Variants in SUCO observed in about 807,000 individuals in gnomAD.
The protein encoded by SUCO is SUN domain containing ossification factor, also known as SUN domain-containing ossification factor.
A neutral mutation model predicts 148.1 loss-of-function variants in SUCO; 57 were observed. The observed-to-expected ratio is 0.38, with a 90% confidence interval of 0.31 to 0.48. The LOEUF (loss-of-function observed/expected upper bound fraction) is 0.48, where lower values mean the gene tolerates loss of function less well. Ranked by LOEUF, SUCO falls within the 20% of genes least tolerant of loss-of-function variation. The pLI is 0.96. For synonymous variants in SUCO, 470 were observed against 502.7 expected, an observed-to-expected ratio of 0.93 and a Z score of 0.87; for missense variants, 1,331 against 1,468.2, an observed-to-expected ratio of 0.91 and a Z score of 1.53.
chr1:172,602,359 C>A, intron 21 of SUCO, 141 bp downstream of exon 21: 1 of 1,414,102 alleles, frequency 7.1e-7, no homozygotes, highest in African/African-American at 1.4e-5. Context: ...TTAAAAACAT[C>A]ATTCGATAGT....
chr1:172,596,130 A>G (rs1657079341), intron 19 of SUCO, among the ~76,000 whole-genome samples: 1 of 152,210 alleles, frequency 6.6e-6, no homozygotes, highest in Non-Finnish European at 1.5e-5. Context: ...CAGCTCCATC[A>G]GATCAATTAA....
chr1:172,585,021 C>A lies in SUCO; in HGVS notation c.1502C>A (p.Ala501Asp). The A allele has an allele frequency of 6.3e-7, 1 of 1,592,044 alleles. No homozygotes were observed. Among genetic ancestry groups the A allele is most frequent in the Non-Finnish European group, 8.6e-7 (1 of 1,167,574 alleles). The stretch of plus-strand genomic sequence containing the variant: ...TTCTGATTGAATTTTGTTTTAGATG[C>A]CATTCTAAATATGGTGAATATTGCT... ...SKNLLGSATN[A>D]ILNMVNIAAN... Residue 501 changes from alanine to aspartate, a missense_variant, in exon 16 of 24, where the codon GCC becomes GAC. Ala to Asp is a moderately radical substitution (Grantham distance 126, BLOSUM62 -2). This residue lies in a region of SUCO where 992 missense variants were observed against 1,093.5 expected (regional missense o/e 0.91). Transcript: ENST00000263688.
Position 172,581,238 on chromosome 1 carries a change from T to A in SUCO, c.1498+1971T>A, listed in dbSNP as rs1309809971. Among the ~76,000 whole-genome samples, 3 of 152,224 alleles carry A rather than the reference T, an allele frequency of 2.0e-5. No homozygotes were observed. The South Asian group carries it at 6.2e-4, about 32-fold the overall frequency. On this transcript the variant is annotated intron_variant, in intron 15 of 23. Coordinates refer to ENST00000263688, the MANE Select transcript of SUCO (RefSeq NM_014283.5). ...TTGTTTAGATACTTCTGTTTGGATCTTTCTCCTTGAAGGTATATCACTTAA... is the reference window on the plus strand; with the variant it reads ...TTGTTTAGATACTTCTGTTTGGATCATTCTCCTTGAAGGTATATCACTTAA...
chr1:172,576,667 G>A (rs995859030), intron 11 of SUCO, among the ~76,000 whole-genome samples: 1 of 151,510 alleles, frequency 6.6e-6, no homozygotes, highest in African/African-American at 2.4e-5. Context: ...TTTAATTTTG[G>A]AAGGATATTT....
At position 172,533,155 on chromosome 1, in the gene SUCO, G is replaced by T; in HGVS notation, c.-281G>T. ...CCCCGGCGGGCGGGGAGGATATGGG[G>T]CGGCAGTGGCGGCTGCAGGAGGCGG... On this transcript the variant is annotated 5_prime_UTR_variant, in exon 1 of 24. Transcript: ENST00000263688. 2 of 1,465,360 alleles carry T rather than the reference G, an allele frequency of 1.4e-6. No homozygotes were observed. Among genetic ancestry groups the T allele is most frequent in the Non-Finnish European group, 1.8e-6 (2 of 1,113,152 alleles). The allele number at this position is 1,465,360 out of a possible 1,614,324, so 90.8% of individuals were successfully genotyped here.
rs780767051 is a variant in SUCO, at chr1:172,609,925, A to G, written c.3431A>G (p.Gln1144Arg). 31 of 1,613,872 alleles carry G rather than the reference A, an allele frequency of 1.9e-5. No individual in the cohort carries two copies. The East Asian group carries it at 6.0e-4, about 31-fold the overall frequency. The change falls in exon 24 of 24, where the codon CAG (glutamine) becomes CGG (arginine). Residue 1144 changes from glutamine to arginine, a missense_variant. Gln to Arg is a conservative substitution (Grantham distance 43). Transcript: ENST00000263688. ...AAAGGAAGAAAGCCCTTTACGAACC[A>G]GAGAGATTTTTCTAATATGGGAGAA... ...DIKGRKPFTN[Q>R]RDFSNMGEVY...
chr1:172,545,620 G>T (rs551940324), intron 1 of SUCO, among the ~76,000 whole-genome samples: 12 of 152,282 alleles, frequency 7.9e-5, no homozygotes, highest in Admixed American at 7.2e-4. Context: ...ACTAGTCTCA[G>T]TGGTACAATG....
rs761541429 is a variant in SUCO, at chr1:172,575,637, A to G, written c.1263+14A>G. 4 of 1,505,124 alleles carry G rather than the reference A, an allele frequency of 2.7e-6. No homozygotes were observed. Among genetic ancestry groups the G allele is most frequent in the Non-Finnish European group, 3.7e-6 (4 of 1,082,804 alleles). The allele number at this position is 1,505,124 out of a possible 1,614,324, so 93.2% of individuals were successfully genotyped here. A position where few individuals can be genotyped will look rare whatever the true frequency, so the allele number is the denominator to read the frequency against. ...AAATATGTCAAGGTAATGTTTACAC[A>G]TACAGGACTATGTTCTATAATGAAA... On this transcript the variant is annotated intron_variant, in intron 11 of 23. Transcript: ENST00000263688.
intron 19 of SUCO, among the ~76,000 whole-genome samples, chr1:172,597,856 C>T (rs894841527): frequency 2.6e-5 from 4 of 152,096 alleles, no homozygotes; most frequent in Admixed American, 1.3e-4. Flanking sequence ...ATTCATGGCA[C>T]GTTATAAATT....
chr1:172,557,571 A>C (rs774327744), intron 5 of SUCO, 73 bp from the exon 6 acceptor site: 75 of 1,480,856 alleles, frequency 5.1e-5, no homozygotes, highest in Admixed American at 2.3e-5. Flanking sequence ...CATGAGTTCA[A>C]AGAATTTAGA....
At chr1:172,553,821 T>G (rs1351175327) in intron 3 of SUCO, among the ~76,000 whole-genome samples, 1 of 152,188 alleles carries the variant, frequency 6.6e-6, no homozygotes, top group Non-Finnish European at 1.5e-5. Context: ...TCTCTCATAT[T>G]ACATTCTGAA....
rs571030579 is a variant in SUCO at position 172,540,791 on chromosome 1, G to A, written c.62+7294G>A. Among the ~76,000 whole-genome samples, 2 of 152,234 alleles carry A rather than the reference G, an allele frequency of 1.3e-5. 1 individual carries two copies. The highest frequency in any genetic ancestry group is 4.8e-5 in the African/African-American group (2 of 41,530). On this transcript the variant is annotated intron_variant, in intron 1 of 23. Transcript: ENST00000263688. ...TCTGCCTGCTTGCAGTGGGTAGATG[G>A]CACTTAATTGTCAAGGAGAAAGAGA... is the stretch of plus-strand genomic sequence containing the variant.
chr1:172,610,361 GA>G lies in SUCO; in HGVS notation c.*105del. The G allele has an allele frequency of 1.4e-6, 2 of 1,429,202 alleles. No homozygotes were observed. The allele number at this position is 1,429,202 out of a possible 1,614,324, so 88.5% of individuals were successfully genotyped here. On this transcript the variant is annotated 3_prime_UTR_variant, in exon 24 of 24. Transcript: ENST00000263688. ...TGGGGGAGGGAGAAAATATTAATGG[GA>G]AAGGCATTCAGAAATTATGGTTTCT...
At chr1:172,560,296 A>G (rs953920093) in intron 6 of SUCO, among the ~76,000 whole-genome samples, 1 of 152,218 alleles carries the variant, frequency 6.6e-6, no homozygotes, top group Non-Finnish European at 1.5e-5. Flanking sequence ...GACCAGCTGT[A>G]GTTGCAATGA....
At chr1:172,593,187 G>C (rs911105830) in intron 19 of SUCO, among the ~76,000 whole-genome samples, 1 of 152,126 alleles carries the variant, frequency 6.6e-6, no homozygotes, top group Non-Finnish European at 1.5e-5. Context: ...GAGATGATGG[G>C]GTTTTCTAAA....
At chr1:172,584,835 A>C (rs1656125488) in intron 15 of SUCO, among the ~76,000 whole-genome samples, 183 bp from the exon 16 acceptor site, 1 of 152,208 alleles carries the variant, frequency 6.6e-6, no homozygotes, top group Non-Finnish European at 1.5e-5. Flanking sequence ...TTAGATACAC[A>C]CTTTACACTT....
At chr1:172,544,109 T>A in intron 1 of SUCO, 1 of 927,336 alleles carries the variant, frequency 1.1e-6, no homozygotes, top group Non-Finnish European at 1.3e-6. Context: ...GGAAGTAATA[T>A]TCAAAAACTA....
chr1:172,570,972 G>A (rs1187957716), intron 9 of SUCO, among the ~76,000 whole-genome samples: 3 of 152,212 alleles, frequency 2.0e-5, no homozygotes, highest in East Asian at 1.9e-4. Flanking sequence ...TGTTGAAAGG[G>A]TGTTATTGAA....
At position 172,591,972 on chromosome 1, in the gene SUCO, T is replaced by G. The variant is rs143342166; in HGVS notation, c.2913+901T>G. On this transcript the variant is annotated intron_variant, in intron 19 of 23. Transcript: ENST00000263688. ...TCCTGACTTTTTAATGATTGCCATT[T>G]TAACTGGTGTGAGATGGTATCTCAT... is the stretch of plus-strand genomic sequence containing the variant. 1.0e-3 allele frequency among the ~76,000 whole-genome samples: 158 copies of G among 152,276 alleles called. 1 individual carries two copies. The highest frequency in any genetic ancestry group is 3.4e-3 in the African/African-American group (141 of 41,558).
Sources: allele counts gnomAD v4.1 joint callset (sites outside exome capture counted in the v4.1 genomes callset), GRCh38; gene constraint gnomAD v4.1.1; regional missense constraint gnomAD v4.1.1; transcripts MANE v1.5; gene names NCBI Gene and HGNC (gene_info 2026-07-23, HGNC 2026-07-21).